CCNB3: variants seen among roughly 807,000 people sequenced by gnomAD.
CCNB3 encodes G2/mitotic-specific cyclin-B3.
In CCNB3, 12 loss-of-function variants were observed where a neutral mutation model predicts 68.0. The ratio of observed to expected loss-of-function variants is 0.18; its 90% CI spans 0.11 to 0.29. The LOEUF (loss-of-function observed/expected upper bound fraction) is 0.29, where lower values mean the gene tolerates loss of function less well. Among genes scored for constraint, CCNB3 ranks in the 10% least tolerant of loss-of-function variants. CCNB3 has a pLI of 1.00. For missense variants in CCNB3, 904 were observed against 993.1 expected (o/e 0.91, Z 1.21); for synonymous variants, 354 against 388.9 (o/e 0.91, Z 1.06).
In CCNB3 at chrX:50,204,795, TG is replaced by T. The variant is rs1195324869; in HGVS notation, c.-265del. On this transcript the variant is annotated 5_prime_UTR_variant, in exon 1 of 13. Transcript: ENST00000376042. ...AGCATTTCCGTCATTCTGAGACAGT[TG>T]GGCTGAGGCGGTTGGTCGCCTCTCT... 2.9e-5 allele frequency: 3 copies of T among 102,013 alleles called. No individual in the cohort carries two copies. The highest frequency in any genetic ancestry group is 1.0e-4 in the African/African-American group (3 of 29,358). 8.4% of individuals were successfully genotyped at this position (102,013 alleles called of 1,213,427 possible). A position where few individuals can be genotyped will look rare whatever the true frequency, so the allele number is the denominator to read the frequency against.
chrX:50,215,818 TTTTG>T (rs1367321291), intron 1 of CCNB3, among the ~76,000 whole-genome samples: 1 of 111,372 alleles, frequency 9.0e-6, no homozygotes, highest in African/African-American at 3.3e-5. Context: ...ATATAGCCAC[TTTTG>T]TTTGTTTAAA....
At chrX:50,299,416 G>T (rs1936570599) in intron 5 of CCNB3, among the ~76,000 whole-genome samples, 1 of 111,566 alleles carries the variant, frequency 9.0e-6, no homozygotes, top group Admixed American at 9.5e-5. Context: ...GGAGCAGGTT[G>T]TTCAGTTTCC....
Position 50,351,889 on chromosome X carries a change from TA to T in CCNB3, c.*192del, listed in dbSNP as rs1362642819. The T allele has an allele frequency of 5.3e-6, 2 of 377,883 alleles. No individual in the cohort carries two copies. Among genetic ancestry groups the T allele is most frequent in the Non-Finnish European group, 9.0e-6 (2 of 221,658 alleles). 31.1% of individuals were successfully genotyped at this position (377,883 alleles called of 1,213,427 possible). ...TTGTCATATTTGACTACAAATTTAA[TA>T]AAAAATTAATGGTTATTGTTAAAAT... On this transcript the variant is annotated 3_prime_UTR_variant, in exon 13 of 13. Transcript: ENST00000376042.
At chrX:50,206,414 A>G (rs1362475393) in intron 1 of CCNB3, among the ~76,000 whole-genome samples, 2 of 107,778 alleles carry the variant, frequency 1.9e-5, no homozygotes, top group Non-Finnish European at 3.8e-5. Flanking sequence ...CTCTACCAAA[A>G]AATAAATGAA....
Position 50,281,053 on chromosome X carries a change from C to T in CCNB3, c.-112-3489C>T, listed in dbSNP as rs1021982771. Among the ~76,000 whole-genome samples the T allele has an allele frequency of 8.3e-3, 924 of 110,855 alleles. 8 individuals are homozygous for T. Among genetic ancestry groups the T allele is most frequent in the African/African-American group, 0.028 (864 of 30,516 alleles). On this transcript the variant is annotated intron_variant, in intron 1 of 12. Transcript: ENST00000376042. ...CTGGGAGTACGGGAGTAGGCCACCG[C>T]GCCTGGCCAAAAACTCGTCTTTAAA...
chrX:50,310,001 C>T lies in CCNB3; in HGVS notation c.1832C>T (p.Thr611Ile). The T allele has an allele frequency of 8.3e-7, 1 of 1,210,802 alleles. No individual in the cohort carries two copies. The highest frequency in any genetic ancestry group is 1.1e-6 in the Non-Finnish European group (1 of 894,895). Residue 611 changes from threonine (T) to isoleucine (I), a missense_variant, in exon 6 of 13, where the codon ACT (threonine) becomes ATT (isoleucine). Thr to Ile is a moderately conservative substitution (Grantham distance 89, BLOSUM62 -1). Around this residue, in one of 2 missense-constraint regions of CCNB3, gnomAD observed 619 missense variants for 609.8 expected, o/e 1.02. Transcript: ENST00000376042. ...AAGCCACTGGTCTTGCAGAAGATCA[C>T]TTCTGAGGAGGAGTCATTCTATAAG... ...LKKPLVLQKI[T>I]SEEESFYKKL...
Position 50,351,260 on chromosome X carries a change from A to G in CCNB3, c.3980A>G (p.Tyr1327Cys). The G allele has an allele frequency of 1.7e-6, 2 of 1,210,892 alleles. No individual in the cohort carries two copies. Among genetic ancestry groups the G allele is most frequent in the South Asian group, 1.8e-5 (1 of 56,921 alleles). Reference sequence around the variant, plus strand: ...TTCCAGGTTCCCTTCCTGGAGCATTACAGTGGCTACAGTATCTCTGAGCTT... The same window carrying G: ...TTCCAGGTTCCCTTCCTGGAGCATTGCAGTGGCTACAGTATCTCTGAGCTT... The part of the protein sequence containing the change: ...LGYWVPFLEH[Y>C]SGYSISELHP... Residue 1327 changes from tyrosine to cysteine, a missense_variant, in exon 12 of 13, where the codon TAC becomes TGC. Physicochemically the swap from Tyr to Cys is radical, Grantham distance 194. Transcript: ENST00000376042.
Position 50,214,770 on chromosome X carries a change from G to A in CCNB3, c.-113+9820G>A, listed in dbSNP as rs1569542068. On this transcript the variant is annotated intron_variant, in intron 1 of 12. Coordinates refer to ENST00000376042, the MANE Select transcript of CCNB3 (RefSeq NM_033031.3). ...ACAGAATGTCCCTACGTTGCTCAGG[G>A]TGGTCTTGAACTCCTGGCCTCAGGT... 2.9e-5 allele frequency among the ~76,000 whole-genome samples: 3 copies of A among 104,308 alleles called. No individual in the cohort carries two copies. In the East Asian group the frequency reaches 9.0e-4, roughly 31 times the overall value. 90.6% of individuals were successfully genotyped at this position (104,308 alleles called of 115,157 possible).
intron 6 of CCNB3, 98 bp downstream of exon 6, chrX:50,311,594 TTTGTTG>T (rs1203334748): frequency 1.5e-6 from 1 of 662,345 alleles, no homozygotes; most frequent in African/African-American, 2.3e-5. Context: ...GTTTTTGTTT[TTTGTTG>T]TTGTTGTTGT....
At chrX:50,319,419 T>C (rs1921900497) in intron 8 of CCNB3, among the ~76,000 whole-genome samples, 3 of 112,019 alleles carry the variant, frequency 2.7e-5, no homozygotes, top group African/African-American at 9.7e-5. Context: ...AGCTTTCTAT[T>C]TATACATTGC....
At chrX:50,211,012 A>T (rs1935473793) in intron 1 of CCNB3, among the ~76,000 whole-genome samples, 1 of 111,592 alleles carries the variant, frequency 9.0e-6, no homozygotes, top group Admixed American at 9.6e-5. Context: ...CTGTAATTGC[A>T]GCACTTTGGG....
chrX:50,308,883 T>C lies in CCNB3; in HGVS notation c.714T>C (p.Ser238=), dbSNP rs1339489097. 1.7e-6 allele frequency: 2 copies of C among 1,209,026 alleles called. No individual in the cohort carries two copies. The highest frequency in any genetic ancestry group is 2.2e-6 in the Non-Finnish European group (2 of 894,929). The change falls in exon 6 of 13, where the codon AGT becomes AGC. Residue 238 remains serine (S), a synonymous_variant. Coordinates refer to ENST00000376042, the MANE Select transcript of CCNB3 (RefSeq NM_033031.3). ...TLSLKKKMCA[S]QRKQSCQEES... ...CCTTAAAGAAGAAGATGTGTGCAAG[T>C]CAGCGGAAGCAGTCCTGCCAGGAAG...
chrX:50,297,226 T>C (rs1217580061), intron 5 of CCNB3, among the ~76,000 whole-genome samples: 1 of 111,801 alleles, frequency 8.9e-6, no homozygotes, highest in Non-Finnish European at 1.9e-5. Flanking sequence ...CTGAATGGTA[T>C]TGCCTAGGTT....
rs782560204 is a variant in CCNB3, at chrX:50,351,349, G to T, written c.4069G>T (p.Val1357Leu). 1 of 1,211,376 alleles carries T rather than the reference G, an allele frequency of 8.3e-7. No homozygotes were observed. Among genetic ancestry groups the T allele is most frequent in the Non-Finnish European group, 1.1e-6 (1 of 895,266 alleles). ...CAGTTCTTACGATAGTCTCAAGGCT[G>T]TGTATTACAAGTATTCTCACCCGTA... ...TFSSYDSLKAVYYKYSHPVFF... is the reference protein window; with the variant it reads ...TFSSYDSLKALYYKYSHPVFF... Residue 1357 changes from valine to leucine, a missense_variant, in exon 12 of 13, where the codon GTG (valine) becomes TTG (leucine). By Grantham distance (32) the Val-to-Leu change is conservative (BLOSUM62 1). Coordinates refer to ENST00000376042, the MANE Select transcript of CCNB3 (RefSeq NM_033031.3).
intron 1 of CCNB3, among the ~76,000 whole-genome samples, chrX:50,226,034 A>ATG (rs1388282962): frequency 1.1e-5 from 1 of 93,089 alleles, no homozygotes; most frequent in African/African-American, 3.8e-5. Context: ...ATATATATAT[A>ATG]GAATATATAT....
At chrX:50,312,291 TA>T (rs1921504679) in intron 6 of CCNB3, among the ~76,000 whole-genome samples, 1 of 110,900 alleles carries the variant, frequency 9.0e-6, no homozygotes, top group Non-Finnish European at 1.9e-5. Flanking sequence ...AGCTTACCCA[TA>T]AAAAGGGTCC....
At chrX:50,304,258 G>T (rs1936710634) in intron 5 of CCNB3, among the ~76,000 whole-genome samples, 2 of 111,315 alleles carry the variant, frequency 1.8e-5, no homozygotes, top group South Asian at 7.6e-4. Context: ...TTGAAATTGG[G>T]AAGTGTGACT....
rs967328232 is a variant in CCNB3, at chrX:50,321,912, T to C, written c.3516+7964T>C. ...TGTGTCTATTTACTTCCCAGGTCTT[T>C]TACAATTTCAATTTTTAAAAAATTT... On this transcript the variant is annotated intron_variant, in intron 8 of 12. Transcript: ENST00000376042. Among the ~76,000 whole-genome samples the C allele has an allele frequency of 2.7e-5, 3 of 111,236 alleles. No individual in the cohort carries two copies. The Admixed American group carries it at 2.9e-4, about 11-fold the overall frequency.
chrX:50,212,427 C>T lies in CCNB3; in HGVS notation c.-113+7477C>T, dbSNP rs1274754129. 4.5e-5 allele frequency among the ~76,000 whole-genome samples: 5 copies of T among 112,003 alleles called. 1 individual carries two copies. The highest frequency in any genetic ancestry group is 7.5e-5 in the Non-Finnish European group (4 of 53,210). ...ACTAACTGGTTTCATTGAATCTATC[C>T]TTGCCACTCTTCAATGTAACAGTTT... On this transcript the variant is annotated intron_variant, in intron 1 of 12. Transcript: ENST00000376042.
Sources: allele counts gnomAD v4.1 joint callset (sites outside exome capture counted in the v4.1 genomes callset), GRCh38; gene constraint gnomAD v4.1.1; regional missense constraint gnomAD v4.1.1; transcripts MANE v1.5; gene names NCBI Gene and HGNC (gene_info 2026-07-23, HGNC 2026-07-21).